Variants in INF2 observed in about 807,000 individuals in gnomAD.
The protein encoded by INF2 is inverted formin 2.
In INF2, 43 loss-of-function variants were observed where a neutral mutation model predicts 123.5. The observed-to-expected ratio is 0.35, with a 90% confidence interval of 0.27 to 0.45. The LOEUF (loss-of-function observed/expected upper bound fraction) is 0.45, where lower values mean the gene tolerates loss of function less well. Among genes scored for constraint, INF2 ranks in the 20% least tolerant of loss-of-function variants. The probability of loss-of-function intolerance (pLI) is 1.00; values close to 1 mark genes in which losing one functional copy is unlikely to be tolerated. For missense variants in INF2, 1,453 were observed against 1,682.7 expected, an observed-to-expected ratio of 0.86 and a Z score of 2.39; for synonymous variants, 851 against 745.0, an observed-to-expected ratio of 1.14 and a Z score of -2.32.
At chr14:104,715,207 C>G in intron 21 of INF2, 77 bp from the exon 22 acceptor site, 1 of 1,462,092 alleles carries the variant, frequency 6.8e-7, no homozygotes, top group Non-Finnish European at 9.6e-7. Context: ...TCCCGGGCCC[C>G]CCAGCCCCAC....
intron 1 of INF2, among the ~76,000 whole-genome samples, chr14:104,700,449 C>T (rs1315145351): frequency 6.6e-6 from 1 of 152,156 alleles, no homozygotes; most frequent in Non-Finnish European, 1.5e-5. Context: ...TGTTCTCAGA[C>T]GCTAAATATA....
At chr14:104,718,509 G>A (rs1039392872) in intron 22 of INF2, among the ~76,000 whole-genome samples, 5 of 152,122 alleles carry the variant, frequency 3.3e-5, no homozygotes, top group African/African-American at 1.2e-4. Flanking sequence ...ACAGGGGGTG[G>A]GGGACAGGCC....
intron 15 of INF2, among the ~76,000 whole-genome samples, 153 bp from the exon 16 acceptor site, chr14:104,711,476 A>G (rs1012784290): frequency 6.6e-6 from 1 of 152,206 alleles, no homozygotes; most frequent in Admixed American, 6.5e-5. Context: ...ACAAAGTCAT[A>G]GCCAGGCCCA....
chr14:104,707,609 A>C lies in INF2; in HGVS notation c.1342A>C (p.Ser448Arg). ...CCCTCCCCCACCACCCCCCCTGCCC[A>C]GTGTGGGGGCTAAGGCCCTCCCAAC... ...PPPPPPPPLPSVGAKALPTAP... is the reference protein window; with the variant it reads ...PPPPPPPPLPRVGAKALPTAP... Residue 448 changes from serine (S) to arginine (R), a missense_variant, in exon 8 of 23, where the codon AGT becomes CGT. This residue lies in a region of INF2 where 374 missense variants were observed against 303.7 expected (regional missense o/e 1.23). Transcript: ENST00000392634. 1.3e-6 allele frequency: 1 copy of C among 794,030 alleles called. No individual in the cohort carries two copies. Among genetic ancestry groups the C allele is most frequent in the East Asian group, 6.3e-5 (1 of 15,786 alleles). 49.2% of individuals were successfully genotyped at this position (794,030 alleles called of 1,614,324 possible).
rs1197812503 is a variant in INF2 at position 104,681,563 on chromosome 14, A to G, written c.-123A>G. ...GAAATTAGCACTGGATTTCCACTTC[A>G]ATTGGAAAATATGGCCAAGGTAAGA... On this transcript the variant is annotated 5_prime_UTR_variant, in exon 1 of 3. Transcript: ENST00000674723. The G allele has an allele frequency of 4.7e-6, 6 of 1,288,978 alleles. No individual in the cohort carries two copies. In the East Asian group the frequency reaches 3.3e-4, roughly 71 times the overall value. The allele number at this position is 1,288,978 out of a possible 1,614,324, so 79.8% of individuals were successfully genotyped here.
At chr14:104,708,880 C>A in intron 10 of INF2, 148 bp downstream of exon 10, 2 of 875,182 alleles carry the variant, frequency 2.3e-6, no homozygotes, top group South Asian at 2.9e-5. Flanking sequence ...GGTAATAGCC[C>A]CATGCTGCCC....
At position 104,708,022 on chromosome 14, in the gene INF2, C is replaced by G; in HGVS notation, c.1735+20C>G. The G allele has an allele frequency of 3.1e-6, 5 of 1,598,098 alleles. No homozygotes were observed. The highest frequency in any genetic ancestry group is 4.2e-6 in the Non-Finnish European group (5 of 1,179,694). On this transcript the variant is annotated intron_variant, in intron 8 of 22. Transcript: ENST00000392634. ...CACGTGGTGAGGGTCCCCAGACCCC[C>G]AAGGGAAGCTTCCCCTAGGACGGGG... is the stretch of plus-strand genomic sequence containing the variant.
intron 21 of INF2, 82 bp from the exon 22 acceptor site, chr14:104,715,202 G>A (rs1181192536): frequency 1.2e-5 from 16 of 1,390,414 alleles, no homozygotes; most frequent in Non-Finnish European, 1.6e-5. Context: ...GGCTGTCCCG[G>A]GCCCCCCAGC....
chr14:104,717,370 T>A (rs907322021), intron 22 of INF2, among the ~76,000 whole-genome samples: 2 of 147,568 alleles, frequency 1.4e-5, no homozygotes, highest in Non-Finnish European at 3.0e-5. Context: ...GTCCTCCCAG[T>A]CCCCCCCGGG....
chr14:104,708,614 G>C (rs751689383), intron 9 of INF2, 27 bp downstream of exon 9: 5 of 1,612,550 alleles, frequency 3.1e-6, no homozygotes, highest in Non-Finnish European at 4.2e-6. Context: ...GACTCAGACC[G>C]GGGCCGCCTG....
rs1890201319 is a variant in INF2 at position 104,714,506 on chromosome 14, A to G, written c.3344A>G (p.Lys1115Arg). The part of the protein sequence containing the change: ...LGDAQALKPL[K>R]FSSNQPPAAG... ...GATGCTCAGGCCCTGAAGCCCCTCA[A>G]GTTCTCCAGCAACCAGCCCCCTGCA... The change falls in exon 21 of 23, where the codon AAG (lysine) becomes AGG (arginine). Residue 1115 changes from lysine to arginine, a missense_variant. By Grantham distance (26) the Lys-to-Arg change is conservative (BLOSUM62 2). Around this residue, in one of 8 missense-constraint regions of INF2, gnomAD observed 344 missense variants for 333.1 expected, o/e 1.03. Transcript: ENST00000392634. 1 of 1,612,650 alleles carries G rather than the reference A, an allele frequency of 6.2e-7. No individual in the cohort carries two copies. Among genetic ancestry groups the G allele is most frequent in the Admixed American group, 1.7e-5 (1 of 60,006 alleles).
Position 104,718,568 on chromosome 14 carries a change from G to A in INF2, c.*2-227G>A, listed in dbSNP as rs368829331. On this transcript the variant is annotated intron_variant, in intron 22 of 22. Transcript: ENST00000392634. ...AGAGGAGACAGGCTCAGGCTGCCAC[G>A]CCTTGCCAAAACCCAGCCTGGCCAG... 5.9e-5 allele frequency among the ~76,000 whole-genome samples: 9 copies of A among 152,236 alleles called. No homozygotes were observed. The East Asian group carries it at 1.4e-3, about 23-fold the overall frequency.
At chr14:104,709,794 A>C in intron 12 of INF2, 89 bp downstream of exon 12, 3 of 1,219,460 alleles carry the variant, frequency 2.5e-6, no homozygotes, top group Non-Finnish European at 3.6e-6. Flanking sequence ...AGGGAGGAGA[A>C]GAGGCTGTGC....
chr14:104,717,973 A>C (rs927178289), intron 22 of INF2, among the ~76,000 whole-genome samples: 1 of 152,048 alleles, frequency 6.6e-6, no homozygotes, highest in Admixed American at 6.5e-5. Flanking sequence ...GGGGGCCCTG[A>C]GCGCTTCCCA....
At chr14:104,712,679 T>A in intron 17 of INF2, 126 bp downstream of exon 17, 1 of 1,509,272 alleles carries the variant, frequency 6.6e-7, no homozygotes, top group South Asian at 1.2e-5. Flanking sequence ...CAGGTGTGCA[T>A]GGTCAGGGCA....
chr14:104,713,711 T>G, intron 20 of INF2, 105 bp downstream of exon 20: 1 of 1,283,676 alleles, frequency 7.8e-7, no homozygotes, highest in Non-Finnish European at 1.1e-6. Context: ...CTCCTCTCCC[T>G]GGGCCACCCT....
upstream of INF2, among the ~76,000 whole-genome samples, chr14:104,686,791 G>A (rs1020018491): frequency 2.0e-5 from 3 of 152,146 alleles, no homozygotes; most frequent in East Asian, 1.9e-4. Context: ...GCACGGCGGC[G>A]CCAACATCAG....
Position 104,708,613 on chromosome 14 carries a change from C to T in INF2, c.1887+26C>T, listed in dbSNP as rs569306808. On this transcript the variant is annotated intron_variant, in intron 9 of 22. Transcript: ENST00000392634. ...GTGGGGACGGGGAGGGGACTCAGAC[C>T]GGGGCCGCCTGCCTGGCCACCCTCC... 6.0e-5 allele frequency: 96 copies of T among 1,612,652 alleles called. No individual in the cohort carries two copies. The East Asian group carries it at 1.3e-3, about 22-fold the overall frequency.
chr14:104,704,862 C>T (rs1174277253), intron 5 of INF2: 1 of 152,236 alleles, frequency 6.6e-6, no homozygotes, highest in Non-Finnish European at 1.5e-5. Flanking sequence ...GTTTCAGATA[C>T]ACAACAGACG....
Sources: gnomAD v4.1 joint callset for allele counts (sites outside exome capture counted in the v4.1 genomes callset) on GRCh38, gnomAD v4.1.1 for gene constraint, gnomAD v4.1.1 regional missense constraint, MANE v1.5 for transcripts, NCBI Gene and HGNC (gene_info 2026-07-23, HGNC 2026-07-21) for gene names.